KIF1B: variants seen among roughly 807,000 people sequenced by gnomAD.
KIF1B encodes the protein kinesin family member 1B, also known as kinesin-like protein KIF1B.
Under a neutral mutation model 241.9 loss-of-function variants are expected in KIF1B, and 76 were observed. The observed-to-expected ratio is 0.31, with a 90% CI of 0.26 to 0.38. The LOEUF is 0.38. Ranked by LOEUF, KIF1B falls within the 10% of genes least tolerant of loss-of-function variation. The pLI, the probability that KIF1B is intolerant of heterozygous loss-of-function variation, is 1.00. For missense variants in KIF1B, 1,622 were observed against 2,271.4 expected (o/e 0.71, Z 5.81); for synonymous variants, 750 against 796.7 (o/e 0.94, Z 0.99).
At chr1:10,356,855 G>C (rs1395323198) in intron 38 of KIF1B, among the ~76,000 whole-genome samples, 2 of 151,886 alleles carry the variant, frequency 1.3e-5, no homozygotes, top group East Asian at 3.9e-4. Flanking sequence ...AGCCAAGATC[G>C]TGCCACTACA....
intron 22 of KIF1B, chr1:10,306,155 GT>G (rs921198806): frequency 9.6e-6 from 10 of 1,039,132 alleles, no homozygotes; most frequent in African/African-American, 8.4e-5. Flanking sequence ...TCCAATTAAT[GT>G]TTTTTTCCCC....
chr1:10,254,047 T>C (rs1647618660), intron 2 of KIF1B, among the ~76,000 whole-genome samples: 2 of 152,166 alleles, frequency 1.3e-5, no homozygotes, highest in Non-Finnish European at 2.9e-5. Flanking sequence ...AAGGAGTAGA[T>C]TGGTTGAGAT....
chr1:10,258,977 C>T (rs1647955059), intron 4 of KIF1B, among the ~76,000 whole-genome samples: 1 of 152,104 alleles, frequency 6.6e-6, no homozygotes, highest in Non-Finnish European at 1.5e-5. Context: ...TGTTCTAAGT[C>T]CTGGAGATGG....
At chr1:10,270,913 G>C (rs1217161577) in intron 7 of KIF1B, among the ~76,000 whole-genome samples, 4 of 145,216 alleles carry the variant, frequency 2.8e-5, no homozygotes, top group African/African-American at 1.0e-4. Flanking sequence ...GTGACAGAGC[G>C]AGACTCTGTC....
At chr1:10,372,962 C>A (rs1331721191) in intron 45 of KIF1B, among the ~76,000 whole-genome samples, 1 of 148,420 alleles carries the variant, frequency 6.7e-6, no homozygotes, top group Non-Finnish European at 1.5e-5. Context: ...TACAGGCACC[C>A]GCCACCATGC....
intron 1 of KIF1B, among the ~76,000 whole-genome samples, chr1:10,220,485 A>C (rs74511329): frequency 0.011 from 1,685 of 152,216 alleles, 15 homozygotes; most frequent in Non-Finnish European, 0.019. Flanking sequence ...AAAGGAAGAA[A>C]TGTTCTTCAA....
Position 10,256,387 on chromosome 1 carries a change from G to A in KIF1B, c.183+64G>A, listed in dbSNP as rs1420767846. 5 of 1,155,078 alleles carry A rather than the reference G, an allele frequency of 4.3e-6. No individual in the cohort carries two copies. The East Asian group carries it at 9.3e-5, about 22-fold the overall frequency. The allele number at this position is 1,155,078 out of a possible 1,614,324, so 71.6% of individuals were successfully genotyped here. A position where few individuals can be genotyped will look rare whatever the true frequency, so the allele number is the denominator to read the frequency against. Reference sequence around the variant, plus strand: ...TCCTTTCCTCTTTCCTTGCCGATTTGTCTTTTCTCTTAGCTGAGCAGATCC... The same window carrying A: ...TCCTTTCCTCTTTCCTTGCCGATTTATCTTTTCTCTTAGCTGAGCAGATCC... On this transcript the variant is annotated intron_variant, in intron 3 of 48. Coordinates refer to ENST00000676179, the MANE Select transcript of KIF1B (RefSeq NM_001365951.3).
chr1:10,312,479 C>G (rs538276179), intron 22 of KIF1B, among the ~76,000 whole-genome samples: 23 of 151,578 alleles, frequency 1.5e-4, no homozygotes, highest in Non-Finnish European at 3.1e-4. Flanking sequence ...CCAGCAGTTT[C>G]CATTAGAATA....
At chr1:10,217,343 CTTTT>C (rs769372780) in intron 1 of KIF1B, among the ~76,000 whole-genome samples, 3 of 131,980 alleles carry the variant, frequency 2.3e-5, no homozygotes, top group Admixed American at 8.0e-5. Context: ...CTTTCTTTTT[CTTTT>C]TTTTTTTTTT....
At chr1:10,218,761 TTTTA>T (rs1192113043) in intron 1 of KIF1B, among the ~76,000 whole-genome samples, 5 of 152,176 alleles carry the variant, frequency 3.3e-5, no homozygotes, top group African/African-American at 1.2e-4. Flanking sequence ...TGTCGTTTGG[TTTTA>T]TTTGTTTTTA....
intron 5 of KIF1B, among the ~76,000 whole-genome samples, chr1:10,265,679 T>C (rs1306425459): frequency 6.6e-6 from 1 of 151,994 alleles, no homozygotes; most frequent in African/African-American, 2.4e-5. Context: ...ACCCTGTCTC[T>C]GCAAAAAAAA....
intron 27 of KIF1B, among the ~76,000 whole-genome samples, chr1:10,333,428 A>G (rs931294507): frequency 6.6e-6 from 1 of 152,158 alleles, no homozygotes; most frequent in Non-Finnish European, 1.5e-5. Context: ...GCGGTGGCTC[A>G]CGCCTGTAAT....
At chr1:10,269,390 C>A (rs1167730152) in intron 7 of KIF1B, among the ~76,000 whole-genome samples, 1 of 151,616 alleles carries the variant, frequency 6.6e-6, no homozygotes, top group Admixed American at 6.6e-5. Context: ...TGGCATGCGC[C>A]TGTGGTCCCA....
At chr1:10,308,641 A>G (rs1650940915) in intron 22 of KIF1B, 1 of 1,010,062 alleles carries the variant, frequency 9.9e-7, no homozygotes, top group South Asian at 4.7e-5. Flanking sequence ...AAGGAAAGCA[A>G]GGTAATGCTA....
At chr1:10,352,562 T>G in intron 37 of KIF1B, 69 bp from the exon 38 acceptor site, 1 of 1,344,206 alleles carries the variant, frequency 7.4e-7, no homozygotes, top group Non-Finnish European at 1.1e-6. Flanking sequence ...AAGTCTCTTT[T>G]GGGCTTAATG....
intron 43 of KIF1B, among the ~76,000 whole-genome samples, chr1:10,367,590 A>T (rs577795888): frequency 2.0e-5 from 3 of 149,294 alleles, no homozygotes; most frequent in African/African-American, 4.9e-5. Flanking sequence ...GCTGGAGTGC[A>T]GTGGTGCGAT....
intron 23 of KIF1B, among the ~76,000 whole-genome samples, chr1:10,320,492 A>G (rs1397001020): frequency 1.3e-5 from 2 of 152,174 alleles, no homozygotes; most frequent in African/African-American, 4.8e-5. Context: ...CAGTCTGTTC[A>G]ATTTGAAGCC....
chr1:10,217,438 C>T (rs912551814), intron 1 of KIF1B, among the ~76,000 whole-genome samples: 1 of 151,036 alleles, frequency 6.6e-6, no homozygotes, highest in Admixed American at 6.6e-5. Flanking sequence ...CTGCCTCGGC[C>T]ACCTGAGCAG....
rs1248774570 is a variant in KIF1B at position 10,379,753 on chromosome 1, T to A, written c.*3166T>A. 4.3e-6 allele frequency: 1 copy of A among 230,418 alleles called. No individual in the cohort carries two copies. The highest frequency in any genetic ancestry group is 8.6e-6 in the Non-Finnish European group (1 of 116,440). The allele number at this position is 230,418 out of a possible 1,614,324, so 14.3% of individuals were successfully genotyped here. A position where few individuals can be genotyped will look rare whatever the true frequency, so the allele number is the denominator to read the frequency against. ...CCTCCTTTCTCCCATCAAAGCAAAATATGGCCTCACCACCAGCCCCAAATC... is the reference window on the plus strand; with the variant it reads ...CCTCCTTTCTCCCATCAAAGCAAAAAATGGCCTCACCACCAGCCCCAAATC... On this transcript the variant is annotated 3_prime_UTR_variant, in exon 49 of 49. Transcript: ENST00000676179.
Sources: allele counts gnomAD v4.1 joint callset (sites outside exome capture counted in the v4.1 genomes callset), GRCh38; gene constraint gnomAD v4.1.1; transcripts MANE v1.5; gene names NCBI Gene and HGNC (gene_info 2026-07-23, HGNC 2026-07-21).